ZDHHC2: variants seen among roughly 807,000 people sequenced by gnomAD.
ZDHHC2 encodes palmitoyltransferase ZDHHC2.
Under a neutral mutation model 55.6 loss-of-function variants are expected in ZDHHC2, and 51 were observed. The ratio of observed to expected loss-of-function variants is 0.92; its 90% CI spans 0.73 to 1.16. ZDHHC2 has a LOEUF of 1.16. Among genes scored for constraint, ZDHHC2 ranks in the 50% most tolerant of loss-of-function variants. ZDHHC2 has a pLI of 0.00. For missense variants in ZDHHC2, 491 were observed against 442.4 expected (o/e 1.11, Z -0.99); for synonymous variants, 199 against 152.9 (o/e 1.30, Z -2.22).
chr8:17,197,794 C>T (rs114862939), intron 5 of ZDHHC2, 143 bp downstream of exon 5: 29,798 of 879,962 alleles, frequency 0.034, 668 homozygotes, highest in Middle Eastern at 0.067. Context: ...TTGGTATAAC[C>T]CGCTGGCATT....
Position 17,190,951 on chromosome 8 carries a change from C to CTTTTTTTTTTTTTTT in ZDHHC2, c.253-4539_253-4525dup, listed in dbSNP as rs10601402. Reference sequence around the variant, plus strand: ...TGTCAAATACTAGGTCTTATTCATTCTTTTTTTTTTTTTTTTTTTTTTTTT... The same window carrying CTTTTTTTTTTTTTTT: ...TGTCAAATACTAGGTCTTATTCATTCTTTTTTTTTTTTTTTTTTTTTTTTTTTTTTTTTTTTTTTT... On this transcript the variant is annotated intron_variant, in intron 3 of 12. Coordinates refer to ENST00000262096, the MANE Select transcript of ZDHHC2 (RefSeq NM_016353.5). 5.1e-4 allele frequency among the ~76,000 whole-genome samples: 27 copies of CTTTTTTTTTTTTTTT among 52,776 alleles called. 1 individual carries two copies. The highest frequency in any genetic ancestry group is 8.5e-4 in the Non-Finnish European group (25 of 29,432). The allele number at this position is 52,776 out of a possible 152,430, so 34.6% of individuals were successfully genotyped here. A position where few individuals can be genotyped will look rare whatever the true frequency, so the allele number is the denominator to read the frequency against.
At chr8:17,174,388 A>G (rs1431865026) in intron 1 of ZDHHC2, among the ~76,000 whole-genome samples, 1 of 152,210 alleles carries the variant, frequency 6.6e-6, no homozygotes, top group Admixed American at 6.5e-5. Context: ...TATTATCACG[A>G]AGACTTGGAA....
At chr8:17,187,787 C>G (rs576814644) in intron 3 of ZDHHC2, among the ~76,000 whole-genome samples, 16 of 152,318 alleles carry the variant, frequency 1.1e-4, no homozygotes, top group African/African-American at 3.6e-4. Flanking sequence ...ACTCCCAAAT[C>G]TGTTTTGAGT....
At chr8:17,161,161 A>G (rs556479456) in intron 1 of ZDHHC2, among the ~76,000 whole-genome samples, 1 of 152,346 alleles carries the variant, frequency 6.6e-6, no homozygotes, top group South Asian at 2.1e-4. Flanking sequence ...GTTATGACCT[A>G]CCATTCATTG....
intron 3 of ZDHHC2, among the ~76,000 whole-genome samples, chr8:17,188,526 C>CT (rs1317459007): frequency 6.6e-6 from 1 of 152,138 alleles, no homozygotes; most frequent in Non-Finnish European, 1.5e-5. Flanking sequence ...TCCATTCATA[C>CT]TGGCAGCTCC....
At chr8:17,157,189 G>A (rs947849064) in intron 1 of ZDHHC2, among the ~76,000 whole-genome samples, 7 of 152,178 alleles carry the variant, frequency 4.6e-5, no homozygotes, top group African/African-American at 1.7e-4. Context: ...AGGGGAGGCC[G>A]AGGCCGGCGA....
intron 1 of ZDHHC2, among the ~76,000 whole-genome samples, chr8:17,161,693 A>T (rs1804352046): frequency 6.6e-6 from 1 of 151,998 alleles, no homozygotes; most frequent in African/African-American, 2.4e-5. Context: ...CCCTGTCTCT[A>T]CCAAAAAATA....
chr8:17,166,604 G>C (rs1397415241), intron 1 of ZDHHC2, among the ~76,000 whole-genome samples: 1 of 152,202 alleles, frequency 6.6e-6, no homozygotes, highest in African/African-American at 2.4e-5. Context: ...ATGTGAGAAT[G>C]TAAATGAGCA....
chr8:17,202,521 A>G (rs1361446400), intron 6 of ZDHHC2, among the ~76,000 whole-genome samples: 1 of 152,206 alleles, frequency 6.6e-6, no homozygotes, highest in Non-Finnish European at 1.5e-5. Flanking sequence ...CAACATAAGA[A>G]GAATATTTTC....
chr8:17,175,825 G>C (rs1805099666), intron 1 of ZDHHC2, among the ~76,000 whole-genome samples: 1 of 152,208 alleles, frequency 6.6e-6, no homozygotes, highest in Non-Finnish European at 1.5e-5. Context: ...GACTAGACAG[G>C]AAAAGCTGGT....
At chr8:17,187,378 C>A (rs988230467) in intron 3 of ZDHHC2, among the ~76,000 whole-genome samples, 2 of 151,884 alleles carry the variant, frequency 1.3e-5, no homozygotes, top group Admixed American at 1.3e-4. Flanking sequence ...ACTTTGCTAA[C>A]TCTAATAACA....
chr8:17,169,526 G>T (rs950159029), intron 1 of ZDHHC2, among the ~76,000 whole-genome samples: 35 of 152,118 alleles, frequency 2.3e-4, no homozygotes, highest in African/African-American at 4.8e-5. Flanking sequence ...AGATGGAAAT[G>T]GTACGCAAAC....
intron 7 of ZDHHC2, 106 bp downstream of exon 7, chr8:17,205,881 T>A (rs1302687482): frequency 9.0e-7 from 1 of 1,113,920 alleles, no homozygotes; most frequent in East Asian, 2.6e-5. Flanking sequence ...CCAGAGCTCA[T>A]TGACATGCAG....
intron 3 of ZDHHC2, among the ~76,000 whole-genome samples, chr8:17,189,820 A>G (rs189177677): frequency 7.9e-5 from 12 of 152,334 alleles, no homozygotes; most frequent in Admixed American, 6.5e-4. Flanking sequence ...TTTTTCTACA[A>G]AAGACGTACC....
intron 10 of ZDHHC2, among the ~76,000 whole-genome samples, chr8:17,214,565 A>G (rs938958129): frequency 6.6e-6 from 1 of 152,160 alleles, no homozygotes; most frequent in Non-Finnish European, 1.5e-5. Context: ...CAAAGTTTAT[A>G]CCACTCTCAT....
intron 6 of ZDHHC2, among the ~76,000 whole-genome samples, chr8:17,199,473 T>TTCTTCG (rs1806514246): frequency 1.9e-4 from 5 of 25,782 alleles, no homozygotes; most frequent in African/African-American, 8.3e-4. Flanking sequence ...AGACTTCTTC[T>TTCTTCG]TCTTCTTCTT....
intron 1 of ZDHHC2, among the ~76,000 whole-genome samples, chr8:17,161,507 G>T (rs188095652): frequency 9.8e-5 from 15 of 152,290 alleles, no homozygotes; most frequent in Non-Finnish European, 1.5e-4. Flanking sequence ...GGAATGTAAG[G>T]CACATCCATA....
intron 1 of ZDHHC2, among the ~76,000 whole-genome samples, chr8:17,158,251 C>G (rs1804164344): frequency 6.6e-6 from 1 of 152,136 alleles, no homozygotes; most frequent in African/African-American, 2.4e-5. Flanking sequence ...AATAGCTTGC[C>G]TTATTGAGAT....
intron 4 of ZDHHC2, among the ~76,000 whole-genome samples, chr8:17,196,024 G>A (rs778997698): frequency 3.3e-5 from 5 of 151,944 alleles, no homozygotes; most frequent in African/African-American, 7.3e-5. Context: ...GTATTTTTTC[G>A]TAAACTTAGA....
Sources: gnomAD v4.1 joint callset for allele counts (sites outside exome capture counted in the v4.1 genomes callset) on GRCh38, gnomAD v4.1.1 for gene constraint, MANE v1.5 for transcripts, NCBI Gene and HGNC (gene_info 2026-07-23, HGNC 2026-07-21) for gene names.